The following FBXW7 variants were observed in gnomAD, a reference collection of about 807,000 sequenced individuals.
FBXW7 encodes the protein F-box/WD repeat-containing protein 7.
Under a neutral mutation model 86.3 loss-of-function variants are expected in FBXW7, and 11 were observed. The ratio of observed to expected loss-of-function variants is 0.13; its 90% CI spans 0.08 to 0.21. FBXW7 has a LOEUF of 0.21. Among genes scored for constraint, FBXW7 ranks in the 10% least tolerant of loss-of-function variants. The pLI is 1.00. For missense variants in FBXW7, 488 were observed against 847.4 expected, an observed-to-expected ratio of 0.58 and a Z score of 5.27; for synonymous variants, 313 against 297.9, an observed-to-expected ratio of 1.05 and a Z score of -0.52.
chr4:152,322,222 C>T lies in FBXW7; in HGVS notation c.*659G>A, dbSNP rs922752196. On this transcript the variant is annotated 3_prime_UTR_variant, in exon 14 of 14. Coordinates refer to ENST00000281708, the MANE Select transcript of FBXW7 (RefSeq NM_001349798.2). Reference sequence around the variant, plus strand: ...GACTCACAGAACCCAGGACAACTTGCCACCTTTGAGCAACATATGCATTGA... The same window carrying T: ...GACTCACAGAACCCAGGACAACTTGTCACCTTTGAGCAACATATGCATTGA... 8.6e-6 allele frequency: 2 copies of T among 232,428 alleles called. No homozygotes were observed. Among genetic ancestry groups the T allele is most frequent in the East Asian group, 6.1e-5 (1 of 16,490 alleles). 14.4% of individuals were successfully genotyped at this position (232,428 alleles called of 1,614,324 possible). A position where few individuals can be genotyped will look rare whatever the true frequency, so the allele number is the denominator to read the frequency against.
rs546012161 is a variant in FBXW7 at position 152,389,893 on chromosome 4, G to A, written c.501+21410C>T. Among the ~76,000 whole-genome samples, 7 of 152,044 alleles carry A rather than the reference G, an allele frequency of 4.6e-5. No homozygotes were observed. The Middle Eastern group carries it at 0.014, about 296-fold the overall frequency. ...TTTATAAAATATATCCAAATAAAAT[G>A]CATTGTTTCAATTCTTTTGTGTCTG... On this transcript the variant is annotated intron_variant, in intron 4 of 13. Transcript: ENST00000281708.
At chr4:152,404,528 T>C (rs2126852916) in intron 4 of FBXW7, among the ~76,000 whole-genome samples, 1 of 152,334 alleles carries the variant, frequency 6.6e-6, no homozygotes, top group East Asian at 1.9e-4. Context: ...TCACACTGTA[T>C]AGAGTTTTGA....
At chr4:152,363,107 A>G (rs2126706290) in intron 4 of FBXW7, among the ~76,000 whole-genome samples, 1 of 152,292 alleles carries the variant, frequency 6.6e-6, no homozygotes, top group African/African-American at 2.4e-5. Flanking sequence ...GGTAGCACAG[A>G]AAAAGCTAGT....
chr4:152,503,556 G>C (rs556808297), intron 2 of FBXW7, among the ~76,000 whole-genome samples: 4 of 151,910 alleles, frequency 2.6e-5, no homozygotes, highest in South Asian at 2.1e-4. Flanking sequence ...ACAGGCATGA[G>C]CCACCGTGCC....
chr4:152,533,440 T>A (rs554631690), intron 2 of FBXW7, among the ~76,000 whole-genome samples: 4 of 152,318 alleles, frequency 2.6e-5, no homozygotes, highest in South Asian at 2.1e-4. Context: ...TAACATTACA[T>A]CCACTATTCA....
intron 2 of FBXW7, among the ~76,000 whole-genome samples, chr4:152,512,032 T>C (rs550725390): frequency 6.6e-6 from 1 of 152,288 alleles, no homozygotes; most frequent in South Asian, 2.1e-4. Flanking sequence ...TATCAAATGT[T>C]CATTCAAAAT....
intron 2 of FBXW7, among the ~76,000 whole-genome samples, chr4:152,480,678 G>A (rs76094396): frequency 0.014 from 2,091 of 152,244 alleles, 26 homozygotes; most frequent in Middle Eastern, 0.037. Context: ...ATGAATAATA[G>A]GAACAAGAAA....
At chr4:152,366,381 A>G in intron 4 of FBXW7, among the ~76,000 whole-genome samples, 1 of 152,176 alleles carries the variant, frequency 6.6e-6, no homozygotes, top group East Asian at 1.9e-4. Flanking sequence ...ACACAGTTTT[A>G]GCAATGCTTG....
At chr4:152,513,624 T>A (rs1461019216) in intron 2 of FBXW7, among the ~76,000 whole-genome samples, 4 of 152,264 alleles carry the variant, frequency 2.6e-5, no homozygotes, top group Non-Finnish European at 5.9e-5. Context: ...CCATTGGTTA[T>A]CTCTGGACTG....
rs1027639664 is a variant in FBXW7, at chr4:152,535,503, G to A, written c.-589C>T. 20 of 395,300 alleles carry A rather than the reference G, an allele frequency of 5.1e-5. No homozygotes were observed. In the Middle Eastern group the frequency reaches 3.2e-3, roughly 63 times the overall value. The allele number at this position is 395,300 out of a possible 1,614,324, so 24.5% of individuals were successfully genotyped here. ...GGGTCCCCGCCCCCCCGGCCGGGGG[G>A]TGGTTGCCGAGCTTGGTTGGGGCCC... On this transcript the variant is annotated 5_prime_UTR_variant, in exon 1 of 14. Transcript: ENST00000281708.
intron 2 of FBXW7, among the ~76,000 whole-genome samples, chr4:152,533,486 T>C (rs540197812): frequency 6.6e-6 from 1 of 152,304 alleles, no homozygotes; most frequent in South Asian, 2.1e-4. Flanking sequence ...AAGGACAGAA[T>C]TTAAAGTTCC....
In FBXW7 at chr4:152,515,001, T is replaced by C. The variant is rs145425228; in HGVS notation, c.-120+19940A>G. Among the ~76,000 whole-genome samples, 1,126 of 152,252 alleles carry C rather than the reference T, an allele frequency of 7.4e-3. 8 individuals are homozygous for C. Among genetic ancestry groups the C allele is most frequent in the Middle Eastern group, 0.034 (10 of 294 alleles). ...CCTGAAAAGACAATAAGTAGAAATA[T>C]GGATGAGGGAGCTACACAAGCACGT... On this transcript the variant is annotated intron_variant, in intron 2 of 13. Coordinates refer to ENST00000281708, the MANE Select transcript of FBXW7 (RefSeq NM_001349798.2).
chr4:152,433,076 T>C (rs1056184108), intron 2 of FBXW7, among the ~76,000 whole-genome samples: 3 of 152,250 alleles, frequency 2.0e-5, no homozygotes, highest in Non-Finnish European at 2.9e-5. Context: ...TTCTTTTCTG[T>C]CCCTGTGTAC....
At chr4:152,385,285 TC>T (rs1394017080) in intron 4 of FBXW7, among the ~76,000 whole-genome samples, 1 of 152,038 alleles carries the variant, frequency 6.6e-6, no homozygotes, top group Non-Finnish European at 1.5e-5. Context: ...TTTAACATGT[TC>T]ATTTGGCATT....
chr4:152,464,424 T>C (rs774743228), intron 2 of FBXW7, among the ~76,000 whole-genome samples: 18 of 152,106 alleles, frequency 1.2e-4, no homozygotes, highest in Non-Finnish European at 2.1e-4. Flanking sequence ...AAAAAGGGTA[T>C]AAAATATGAA....
intron 4 of FBXW7, among the ~76,000 whole-genome samples, chr4:152,366,555 TA>T (rs1201121424): frequency 6.6e-6 from 1 of 152,108 alleles, no homozygotes; most frequent in East Asian, 1.9e-4. Context: ...CTTTAAAAAC[TA>T]AATGTAAATC....
intron 4 of FBXW7, among the ~76,000 whole-genome samples, chr4:152,375,841 C>T (rs1049265435): frequency 6.6e-6 from 1 of 152,016 alleles, no homozygotes; most frequent in African/African-American, 2.4e-5. Context: ...GAAGTTCACA[C>T]TCCTTGACCC....
rs114107896 is a variant in FBXW7 at position 152,335,670 on chromosome 4, C to T, written c.861+2132G>A. 8.9e-3 allele frequency among the ~76,000 whole-genome samples: 1,353 copies of T among 152,276 alleles called. 20 individuals carry two copies. Among genetic ancestry groups the T allele is most frequent in the East Asian group, 0.043 (221 of 5,188 alleles). On this transcript the variant is annotated intron_variant, in intron 7 of 13. Coordinates refer to ENST00000281708, the MANE Select transcript of FBXW7 (RefSeq NM_001349798.2). The stretch of plus-strand genomic sequence containing the variant: ...TCCTTGTCCAACTCTGTAAGAATTG[C>T]TTTTATTTTTCTCTATAACCTATAT...
At chr4:152,347,120 A>C in intron 5 of FBXW7, 49 bp from the exon 6 acceptor site, 6 of 1,524,282 alleles carry the variant, frequency 3.9e-6, no homozygotes, top group Non-Finnish European at 5.3e-6. Flanking sequence ...GGAAAAAAAC[A>C]AAAGTGAAAG....
Sources: gnomAD v4.1 joint callset for allele counts (sites outside exome capture counted in the v4.1 genomes callset) on GRCh38, gnomAD v4.1.1 for gene constraint, MANE v1.5 for transcripts, NCBI Gene and HGNC (gene_info 2026-07-23, HGNC 2026-07-21) for gene names.